Variants in SORCS2 observed in about 807,000 individuals in gnomAD.
SORCS2 encodes VPS10 domain-containing receptor SorCS2.
SORCS2 carries 100 observed loss-of-function variants against 141.6 expected under a neutral mutation model. The observed-to-expected ratio is 0.71, with a 90% CI of 0.60 to 0.83. SORCS2 has a LOEUF of 0.83. Among genes scored for constraint, SORCS2 ranks in the 40% least tolerant of loss-of-function variants. SORCS2 has a pLI of 0.00. For synonymous variants in SORCS2, 789 were observed against 676.9 expected (o/e 1.17, Z -2.57); for missense variants, 1,646 against 1,560.2 (o/e 1.05, Z -0.93).
chr4:7,671,384 C>A (rs1310828596), intron 8 of SORCS2, among the ~76,000 whole-genome samples: 2 of 151,740 alleles, frequency 1.3e-5, no homozygotes, highest in Non-Finnish European at 2.9e-5. Flanking sequence ...TGAGAAAGAC[C>A]AGATGGCAGA....
intron 1 of SORCS2, among the ~76,000 whole-genome samples, chr4:7,347,020 GAAT>G (rs1720688133): frequency 6.6e-6 from 1 of 152,192 alleles, no homozygotes; most frequent in Non-Finnish European, 1.5e-5. Flanking sequence ...ATTGAATGAA[GAAT>G]AAGGTCATAT....
At chr4:7,603,877 T>A (rs1717892401) in intron 3 of SORCS2, among the ~76,000 whole-genome samples, 1 of 152,202 alleles carries the variant, frequency 6.6e-6, no homozygotes, top group Admixed American at 6.5e-5. Context: ...TTTTTAGATC[T>A]CACATGCAGC....
intron 1 of SORCS2, among the ~76,000 whole-genome samples, chr4:7,292,739 C>T (rs895741011): frequency 1.4e-4 from 22 of 152,058 alleles, no homozygotes; most frequent in African/African-American, 4.6e-4. Flanking sequence ...GGGCCTGGGT[C>T]GGGAATCCCC....
intron 3 of SORCS2, among the ~76,000 whole-genome samples, chr4:7,611,338 C>G (rs1172233607): frequency 6.6e-6 from 1 of 152,192 alleles, no homozygotes; most frequent in Non-Finnish European, 1.5e-5. Flanking sequence ...CAAGTCCTGG[C>G]TGAGATGAGT....
intron 1 of SORCS2, among the ~76,000 whole-genome samples, chr4:7,332,697 G>A (rs3936616): frequency 0.095 from 14,482 of 152,294 alleles, 957 homozygotes; most frequent in African/African-American, 0.19. Flanking sequence ...GTGCAGGGCT[G>A]GAGCCTCCAA....
intron 2 of SORCS2, among the ~76,000 whole-genome samples, chr4:7,508,350 C>CTT (rs35443053): frequency 1.4e-4 from 10 of 69,720 alleles, no homozygotes; most frequent in Admixed American, 2.1e-4. Context: ...AGATCTCAGG[C>CTT]TTTTTTTTTT....
chr4:7,244,030 G>A lies in SORCS2; in HGVS notation c.480+50904G>A, dbSNP rs150291447. Among the ~76,000 whole-genome samples the A allele has an allele frequency of 5.6e-4, 85 of 152,330 alleles. 1 individual carries two copies. Among genetic ancestry groups the A allele is most frequent in the Middle Eastern group, 6.8e-3 (2 of 294 alleles). On this transcript the variant is annotated intron_variant, in intron 1 of 26. Transcript: ENST00000507866. Reference sequence around the variant, plus strand: ...TGTTGAGTCGTCTCCTCTGCTCAGCGGAGTCACCTCTGTCTCTTTGCCCCT... The same window carrying A: ...TGTTGAGTCGTCTCCTCTGCTCAGCAGAGTCACCTCTGTCTCTTTGCCCCT...
At chr4:7,488,344 CAG>C (rs1731118427) in intron 2 of SORCS2, among the ~76,000 whole-genome samples, 1 of 152,240 alleles carries the variant, frequency 6.6e-6, no homozygotes, top group Admixed American at 6.5e-5. Flanking sequence ...TCCTGACAAA[CAG>C]AGGACTCTGA....
In SORCS2 at chr4:7,192,650, G is replaced by A. The variant is rs1726909746; in HGVS notation, c.4G>A (p.Ala2Thr). ...TCCGCTGCCGCCCCTGGCGACCATG[G>A]CGCACCGGGGGCCCTCGCGCGCCTC... is the stretch of plus-strand genomic sequence containing the variant. M[A>T]HRGPSRASKG... The change falls in exon 1 of 27, where the codon GCG becomes ACG. Residue 2 changes from alanine to threonine, a missense_variant. By Grantham distance (58) the Ala-to-Thr change is moderately conservative (BLOSUM62 0). Transcript: ENST00000507866. The surrounding 1 kb of genome is among the most constrained non-coding windows in gnomAD (Gnocchi z 4.0). 9.1e-6 allele frequency: 9 copies of A among 987,340 alleles called. No homozygotes were observed. Among genetic ancestry groups the A allele is most frequent in the Non-Finnish European group, 1.1e-5 (9 of 832,400 alleles). The allele number at this position is 987,340 out of a possible 1,614,324, so 61.2% of individuals were successfully genotyped here.
intron 1 of SORCS2, among the ~76,000 whole-genome samples, chr4:7,211,478 A>G (rs558344940): frequency 1.4e-3 from 215 of 152,198 alleles, no homozygotes; most frequent in Non-Finnish European, 2.6e-3. Context: ...GGTTCAAGCA[A>G]TTCTCCTGCC....
chr4:7,427,706 A>C (rs1278512698), intron 2 of SORCS2, among the ~76,000 whole-genome samples: 1 of 152,066 alleles, frequency 6.6e-6, no homozygotes, highest in Non-Finnish European at 1.5e-5. Context: ...AGGAGGAAGC[A>C]GGAGTGTCAC....
chr4:7,647,960 C>T (rs541402984), intron 4 of SORCS2, among the ~76,000 whole-genome samples: 13 of 152,308 alleles, frequency 8.5e-5, no homozygotes, highest in South Asian at 6.2e-4. Context: ...AGCTTCACTG[C>T]GGTAGCTTGC....
chr4:7,724,916 G>GAGGT (rs1560115072), intron 19 of SORCS2, among the ~76,000 whole-genome samples: 1 of 44,922 alleles, frequency 2.2e-5, no homozygotes, highest in African/African-American at 1.1e-4. Flanking sequence ...AGTATTGGTG[G>GAGGT]GAATGGATGG....
chr4:7,603,446 C>T (rs1225650187), intron 3 of SORCS2, among the ~76,000 whole-genome samples: 1 of 152,192 alleles, frequency 6.6e-6, no homozygotes, highest in Non-Finnish European at 1.5e-5. Context: ...TTCAGCTGTA[C>T]CATATCACTC....
chr4:7,683,445 G>A (rs112316429), intron 10 of SORCS2, among the ~76,000 whole-genome samples: 3 of 151,366 alleles, frequency 2.0e-5, no homozygotes, highest in African/African-American at 4.9e-5. Flanking sequence ...GCTTGCTCAT[G>A]TCAGGGAATG....
chr4:7,338,199 A>T (rs1720123834), intron 1 of SORCS2, among the ~76,000 whole-genome samples: 1 of 138,898 alleles, frequency 7.2e-6, no homozygotes, highest in Non-Finnish European at 1.5e-5. Context: ...TGTTGGATGG[A>T]TGTTGGTTGG....
At chr4:7,512,160 T>G (rs1732696057) in intron 2 of SORCS2, among the ~76,000 whole-genome samples, 1 of 152,190 alleles carries the variant, frequency 6.6e-6, no homozygotes, top group South Asian at 2.1e-4. Context: ...TGAGCAGTTC[T>G]CCAGGCGGTG....
chr4:7,617,869 C>A (rs965753344), intron 3 of SORCS2, among the ~76,000 whole-genome samples: 1 of 152,124 alleles, frequency 6.6e-6, no homozygotes. Flanking sequence ...AGCCGCCTAC[C>A]GGTGCCGCCC....
intron 3 of SORCS2, among the ~76,000 whole-genome samples, chr4:7,584,100 C>T (rs964132487): frequency 5.3e-5 from 8 of 152,348 alleles, no homozygotes; most frequent in Admixed American, 1.3e-4. Flanking sequence ...ACAGCATCTT[C>T]GTCTTCATTC....
Sources: allele counts gnomAD v4.1 joint callset (sites outside exome capture counted in the v4.1 genomes callset), GRCh38; gene constraint gnomAD v4.1.1; non-coding constraint Gnocchi (gnomAD v3.1); transcripts MANE v1.5; gene names NCBI Gene and HGNC (gene_info 2026-07-23, HGNC 2026-07-21).